Variants in CYB561D2 observed in about 807,000 individuals in gnomAD.
The protein encoded by CYB561D2 is cytochrome b561 family member D2.
A neutral mutation model predicts 20.2 loss-of-function variants in CYB561D2; 16 were observed. The ratio of observed to expected loss-of-function variants is 0.79; its 90% CI spans 0.53 to 1.20. CYB561D2 has a LOEUF of 1.20. Among genes scored for constraint, CYB561D2 ranks in the 50% most tolerant of loss-of-function variants. The probability of loss-of-function intolerance (pLI) is 0.00; values close to 1 mark genes in which losing one functional copy is unlikely to be tolerated. For synonymous variants in CYB561D2, 135 were observed against 128.3 expected (o/e 1.05, Z -0.35); for missense variants, 247 against 270.3 (o/e 0.91, Z 0.60).
chr3:50,353,693 T>C lies in CYB561D2; in HGVS notation c.618T>C (p.Ile206=), dbSNP rs1201256357. 1.9e-6 allele frequency: 3 copies of C among 1,612,950 alleles called. No individual in the cohort carries two copies. Among genetic ancestry groups the C allele is most frequent in the Non-Finnish European group, 2.5e-6 (3 of 1,179,914 alleles). The change falls in exon 4 of 4, where the codon ATT becomes ATC. Residue 206 remains isoleucine, a synonymous_variant. Transcript: ENST00000425346. ...GCCCTGTCCTCACCAGCTTGGTCAT[T>C]ATGAACCAGGTGAGCAATGCCTACC... ...VLCPVLTSLV[I]MNQVSNAYLY...
Position 50,353,641 on chromosome 3 carries a change from G to C in CYB561D2, c.566G>C (p.Gly189Ala), listed in dbSNP as rs768263665. 4.3e-6 allele frequency: 7 copies of C among 1,613,548 alleles called. No homozygotes were observed. The African/African-American group carries it at 8.0e-5, about 18-fold the overall frequency. ...CSLWFTASVT[G>A]AAWYLAVLCP... is the part of the protein sequence containing the mutation. ...CTCTGGTTCACTGCCTCTGTCACTG[G>C]TGCAGCCTGGTACCTGGCTGTATTA... Residue 189 changes from glycine to alanine, a missense_variant, in exon 4 of 4, where the codon GGT (glycine) becomes GCT (alanine). Physicochemically the swap from Gly to Ala is moderately conservative, Grantham distance 60. Coordinates refer to ENST00000425346, the MANE Select transcript of CYB561D2 (RefSeq NM_001291284.2).
intron 3 of CYB561D2, 138 bp downstream of exon 3, chr3:50,352,184 A>G (rs1466964324): frequency 1.5e-5 from 16 of 1,093,002 alleles, no homozygotes; most frequent in Non-Finnish European, 2.2e-5. Context: ...CCCATGGTAT[A>G]TATTTCAGAC....
At chr3:50,352,405 A>C (rs1703788036) in intron 3 of CYB561D2, among the ~76,000 whole-genome samples, 1 of 150,896 alleles carries the variant, frequency 6.6e-6, no homozygotes, top group Non-Finnish European at 1.5e-5. Flanking sequence ...GCATGAACCC[A>C]GGAGACGGAG....
rs1363259694 is a variant in CYB561D2 at position 50,351,917 on chromosome 3, T to A, written c.128-92T>A. The A allele has an allele frequency of 6.0e-6, 9 of 1,502,112 alleles. No individual in the cohort carries two copies. In the Admixed American group the frequency reaches 1.2e-4, roughly 20 times the overall value. The allele number at this position is 1,502,112 out of a possible 1,614,324, so 93.0% of individuals were successfully genotyped here. On this transcript the variant is annotated intron_variant, in intron 2 of 3. Transcript: ENST00000425346. ...CACAGTTTGGCAGCACCTCCTTGGG[T>A]GATGGGCTGCTGGTATTCCTCAACC...
chr3:50,351,555 G>C lies in CYB561D2; in HGVS notation c.122G>C (p.Gly41Ala), dbSNP rs1021848644. The C allele has an allele frequency of 6.2e-7, 1 of 1,612,600 alleles. No individual in the cohort carries two copies. ...TIFVAVLARPGSSLFSWHPVL... is the reference protein window; with the variant it reads ...TIFVAVLARPASSLFSWHPVL... ...TTTGTGGCTGTGCTTGCCAGGCCTG[G>C]CTCCAGTAAGTAGAATTCATAGCTG... Residue 41 changes from glycine to alanine, a missense_variant, in exon 2 of 4, where the codon GGC becomes GCC. Transcript: ENST00000425346.
rs1346535886 is a variant in CYB561D2, at chr3:50,353,725, G to A, written c.650G>A (p.Arg217His). The change falls in exon 4 of 4, where the codon CGC (arginine) becomes CAC (histidine). Residue 217 changes from arginine to histidine, a missense_variant. Physicochemically the swap from Arg to His is conservative, Grantham distance 29 (BLOSUM62 0). Transcript: ENST00000425346. Reference protein sequence around the residue: ...MNQVSNAYLYRKRIQP With the variant: ...MNQVSNAYLYHKRIQP Reference sequence around the variant, plus strand: ...CAGGTGAGCAATGCCTACCTATACCGCAAGAGGATCCAACCATGAGCTCTT... The same window carrying A: ...CAGGTGAGCAATGCCTACCTATACCACAAGAGGATCCAACCATGAGCTCTT... 3.1e-6 allele frequency: 5 copies of A among 1,601,742 alleles called. No individual in the cohort carries two copies. The highest frequency in any genetic ancestry group is 2.7e-5 in the African/African-American group (2 of 74,760).
Position 50,353,480 on chromosome 3 carries a change from C to G in CYB561D2, c.405C>G (p.Cys135Trp). ...CTGTGCTGTGGGCAGGGCTGCAGTG[C>G]TCAGGTGGGGTGGGGCTGCTCTACC... ...LLAVLWAGLQCSGGVGLLYPK... is the reference protein window; with the variant it reads ...LLAVLWAGLQWSGGVGLLYPK... The change falls in exon 4 of 4, where the codon TGC (cysteine) becomes TGG (tryptophan). Residue 135 changes from cysteine to tryptophan, a missense_variant. Coordinates refer to ENST00000425346, the MANE Select transcript of CYB561D2 (RefSeq NM_001291284.2). 1 of 1,613,106 alleles carries G rather than the reference C, an allele frequency of 6.2e-7. No homozygotes were observed. The highest frequency in any genetic ancestry group is 1.1e-5 in the South Asian group (1 of 91,074).
chr3:50,351,459 C>CACACATCTACCGAGCT lies in CYB561D2; in HGVS notation c.27_42dup (p.Leu15ThrfsTer61). 1.2e-6 allele frequency: 2 copies of CACACATCTACCGAGCT among 1,613,710 alleles called. No homozygotes were observed. The highest frequency in any genetic ancestry group is 1.7e-6 in the Non-Finnish European group (2 of 1,179,948). On this transcript the variant is annotated frameshift_variant, in exon 2 of 4. Coordinates refer to ENST00000425346, the MANE Select transcript of CYB561D2 (RefSeq NM_001291284.2). LOFTEE classifies it high-confidence loss of function. ...ATGGCCCTTTCTGCGGAGACCGAGT[C>CACACATCTACCGAGCT]ACACATCTACCGAGCTCTGCGTACT...
In CYB561D2 at chr3:50,353,664, T is replaced by C. The variant is rs373995167; in HGVS notation, c.589T>C (p.Leu197=). The change falls in exon 4 of 4, where the codon TTA becomes CTA. Residue 197 remains leucine (L), a synonymous_variant. Transcript: ENST00000425346. The stretch of plus-strand genomic sequence containing the variant: ...TGGTGCAGCCTGGTACCTGGCTGTA[T>C]TATGCCCTGTCCTCACCAGCTTGGT... ...VTGAAWYLAV[L]CPVLTSLVIM... is the part of the protein sequence containing the mutation. 7 of 1,613,400 alleles carry C rather than the reference T, an allele frequency of 4.3e-6. No homozygotes were observed. In the African/African-American group the frequency reaches 8.0e-5, roughly 18 times the overall value.
At chr3:50,352,964 T>G (rs1015853101) in intron 3 of CYB561D2, among the ~76,000 whole-genome samples, 1 of 152,208 alleles carries the variant, frequency 6.6e-6, no homozygotes, top group Admixed American at 6.5e-5. Context: ...CATTTATAAC[T>G]GCCACATCTC....
chr3:50,351,327 C>A, intron 1 of CYB561D2, 82 bp from the exon 2 acceptor site: 1 of 1,432,892 alleles, frequency 7.0e-7, no homozygotes, highest in Non-Finnish European at 9.5e-7. Flanking sequence ...AAGAGGGTGG[C>A]ATTCCTGCCT....
In CYB561D2 at chr3:50,351,539, G is replaced by A. The variant is rs1474496328; in HGVS notation, c.106G>A (p.Val36Met). The A allele has an allele frequency of 1.9e-6, 3 of 1,611,306 alleles. No individual in the cohort carries two copies. Among genetic ancestry groups the A allele is most frequent in the Non-Finnish European group, 2.5e-6 (3 of 1,178,882 alleles). The change falls in exon 2 of 4, where the codon GTG becomes ATG. Residue 36 changes from valine to methionine, a missense_variant. By Grantham distance (21) the Val-to-Met change is conservative. Transcript: ENST00000425346. The part of the protein sequence containing the change: ...VALGFTIFVA[V>M]LARPGSSLFS... ...CCTGGGCTTTACCATCTTTGTGGCTGTGCTTGCCAGGCCTGGCTCCAGTAA... is the reference window on the plus strand; with the variant it reads ...CCTGGGCTTTACCATCTTTGTGGCTATGCTTGCCAGGCCTGGCTCCAGTAA...
intron 2 of CYB561D2, 39 bp downstream of exon 2, chr3:50,351,599 G>A (rs1283876928): frequency 1.9e-6 from 3 of 1,595,272 alleles, no homozygotes; most frequent in Admixed American, 3.4e-5. Flanking sequence ...GAAGGGAAGG[G>A]CCACTGTTCC....
Position 50,351,535 on chromosome 3 carries a change from GGCT to G in CYB561D2, c.104_106del (p.Ala35del). 1.2e-6 allele frequency: 2 copies of G among 1,612,990 alleles called. No homozygotes were observed. Among genetic ancestry groups the G allele is most frequent in the South Asian group, 2.2e-5 (2 of 91,008 alleles). ...TGGCCCTGGGCTTTACCATCTTTGT[GGCT>G]GTGCTTGCCAGGCCTGGCTCCAGTA... On this transcript the variant is annotated inframe_deletion, in exon 2 of 4. Transcript: ENST00000425346.
rs1703824737 is a variant in CYB561D2 at position 50,353,721 on chromosome 3, T to TA, written c.647dup (p.Tyr216Ter). The TA allele has an allele frequency of 1.2e-6, 2 of 1,606,468 alleles. No individual in the cohort carries two copies. The highest frequency in any genetic ancestry group is 1.7e-6 in the Non-Finnish European group (2 of 1,175,616). Residue 216 changes from tyrosine (Y) to a stop codon, truncating the protein, a stop_gained and frameshift_variant, in exon 4 of 4, where the codon TAC (tyrosine) becomes TAAC (stop). Transcript: ENST00000425346. LOFTEE classifies it high-confidence loss of function. Reference sequence around the variant, plus strand: ...GAACCAGGTGAGCAATGCCTACCTATACCGCAAGAGGATCCAACCATGAGC... The same window carrying TA: ...GAACCAGGTGAGCAATGCCTACCTATAACCGCAAGAGGATCCAACCATGAGC... Reference protein sequence around the residue: ...IMNQVSNAYLYRKRIQP With the variant: ...IMNQVSNAYL
chr3:50,353,956 C>T lies in CYB561D2; in HGVS notation c.*212C>T. ...TGTCATCCCAGAGGAACATAGGCAT[C>T]ATGTGTCTGGATGAAGCTGGGGCTG... On this transcript the variant is annotated 3_prime_UTR_variant, in exon 4 of 4. Transcript: ENST00000425346. The T allele has an allele frequency of 1.7e-6, 1 of 579,550 alleles. No homozygotes were observed. The highest frequency in any genetic ancestry group is 3.0e-6 in the Non-Finnish European group (1 of 334,392). 35.9% of individuals were successfully genotyped at this position (579,550 alleles called of 1,614,324 possible). A position where few individuals can be genotyped will look rare whatever the true frequency, so the allele number is the denominator to read the frequency against.
Position 50,350,918 on chromosome 3 carries a change from G to T in CYB561D2, c.-92G>T, listed in dbSNP as rs1166537229. On this transcript the variant is annotated 5_prime_UTR_variant, in exon 1 of 4. It adds an upstream start codon to the 5' untranslated region. Transcript: ENST00000425346. This position sits in a 1 kb window ranked among gnomAD's most constrained non-coding sequence, Gnocchi z 5.7. ...TGACGGAGCGGCGGTGCGCGCGGCA[G>T]GGCCCGGAGTATCCCGCTTTCTTTG... The T allele has an allele frequency of 2.9e-6, 4 of 1,390,404 alleles. No homozygotes were observed. The highest frequency in any genetic ancestry group is 3.7e-6 in the Non-Finnish European group (4 of 1,076,564). 86.1% of individuals were successfully genotyped at this position (1,390,404 alleles called of 1,614,324 possible).
intron 3 of CYB561D2, 49 bp from the exon 4 acceptor site, chr3:50,353,192 C>G (rs765178290): frequency 1.3e-6 from 2 of 1,521,536 alleles, no homozygotes; most frequent in South Asian, 1.3e-5. Context: ...CTCTTCTCCT[C>G]TTCTGGGGCA....
chr3:50,350,975 G>A lies in CYB561D2; in HGVS notation c.-35G>A. On this transcript the variant is annotated 5_prime_UTR_variant, in exon 1 of 4. Coordinates refer to ENST00000425346, the MANE Select transcript of CYB561D2 (RefSeq NM_001291284.2). The surrounding 1 kb of genome is among the most constrained non-coding windows in gnomAD (Gnocchi z 5.7). The stretch of plus-strand genomic sequence containing the variant: ...ACCACCGCATCAGATCTGCGCTGCG[G>A]CAGAGGCAGGCAAGTCCCTAGCGTG... The A allele has an allele frequency of 1.7e-6, 2 of 1,196,108 alleles. No individual in the cohort carries two copies. Among genetic ancestry groups the A allele is most frequent in the Non-Finnish European group, 2.2e-6 (2 of 926,050 alleles). 74.1% of individuals were successfully genotyped at this position (1,196,108 alleles called of 1,614,324 possible).
Sources: allele counts gnomAD v4.1 joint callset (sites outside exome capture counted in the v4.1 genomes callset), GRCh38; gene constraint gnomAD v4.1.1; non-coding constraint Gnocchi (gnomAD v3.1); transcripts MANE v1.5; gene names NCBI Gene and HGNC (gene_info 2026-07-23, HGNC 2026-07-21).